INPP4B: variants seen among roughly 807,000 people sequenced by gnomAD.
INPP4B encodes the protein inositol polyphosphate-4-phosphatase type II B, also known as inositol polyphosphate 4-phosphatase type II.
In INPP4B, 55 loss-of-function variants were observed where a neutral mutation model predicts 122.5. The ratio of observed to expected loss-of-function variants is 0.45; its 90% CI spans 0.36 to 0.56. INPP4B has a LOEUF of 0.56. INPP4B is among the 20% of genes least tolerant of loss of function. The pLI, the probability that INPP4B is intolerant of heterozygous loss-of-function variation, is 0.00. For missense variants in INPP4B, 1,000 were observed against 1,097.7 expected (o/e 0.91, Z 1.26); for synonymous variants, 403 against 388.7 (o/e 1.04, Z -0.43).
At chr4:142,801,394 T>C (rs1207883943) in intron 1 of INPP4B, among the ~76,000 whole-genome samples, 1 of 152,106 alleles carries the variant, frequency 6.6e-6, no homozygotes, top group African/African-American at 2.4e-5. Context: ...CAAGCCCCAA[T>C]CCAATCTGAC....
chr4:142,657,744 T>G (rs901935676), intron 2 of INPP4B, among the ~76,000 whole-genome samples: 3 of 152,208 alleles, frequency 2.0e-5, no homozygotes, highest in African/African-American at 7.2e-5. Context: ...TTATAAAATG[T>G]TTTTGCTGCT....
intron 12 of INPP4B, among the ~76,000 whole-genome samples, chr4:142,232,667 C>T (rs1240677204): frequency 2.0e-5 from 3 of 151,944 alleles, no homozygotes; most frequent in East Asian, 1.9e-4. Flanking sequence ...AAATCAAAAG[C>T]TAGAAATGAT....
chr4:142,576,045 T>C lies in INPP4B; in HGVS notation c.-190-113319A>G, dbSNP rs7692446. Among the ~76,000 whole-genome samples, 1,195 of 152,186 alleles carry C rather than the reference T, an allele frequency of 7.9e-3. 24 individuals are homozygous for C. Among genetic ancestry groups the C allele is most frequent in the African/African-American group, 0.027 (1,129 of 41,558 alleles). On this transcript the variant is annotated intron_variant, in intron 2 of 25. Coordinates refer to ENST00000262992, the MANE Select transcript of INPP4B (RefSeq NM_001101669.3). ...AAATGTGTTTTAACTAGCCTAGATA[T>C]CGTTATTGATTTCCCAATAGCCTAC...
At chr4:142,342,906 C>T (rs1277043988) in intron 7 of INPP4B, among the ~76,000 whole-genome samples, 2 of 151,948 alleles carry the variant, frequency 1.3e-5, no homozygotes, top group African/African-American at 2.4e-5. Context: ...TATGTGGATG[C>T]GTTTAAAACT....
chr4:142,464,613 GAAAAA>G (rs549262670), intron 2 of INPP4B, among the ~76,000 whole-genome samples: 1 of 143,460 alleles, frequency 7.0e-6, no homozygotes, highest in African/African-American at 2.5e-5. Context: ...TAACTGTTAA[GAAAAA>G]AAAAAAATGT....
At chr4:142,664,795 T>G (rs1446175327) in intron 2 of INPP4B, among the ~76,000 whole-genome samples, 2 of 152,204 alleles carry the variant, frequency 1.3e-5, no homozygotes, top group African/African-American at 4.8e-5. Flanking sequence ...AAATTTTGCT[T>G]TTTTCAACCA....
At chr4:142,252,924 G>A (rs1733119265) in intron 11 of INPP4B, among the ~76,000 whole-genome samples, 1 of 152,106 alleles carries the variant, frequency 6.6e-6, no homozygotes, top group South Asian at 2.1e-4. Flanking sequence ...ATTTCGTCAT[G>A]GTGCAAACAT....
intron 16 of INPP4B, 43 bp downstream of exon 16, chr4:142,173,589 G>T: frequency 6.5e-7 from 1 of 1,534,100 alleles, no homozygotes; most frequent in South Asian, 1.1e-5. Flanking sequence ...ATGGGAATTT[G>T]AGTATTTCAT....
At chr4:142,041,748 T>C (rs541391567) in intron 25 of INPP4B, among the ~76,000 whole-genome samples, 55 of 152,288 alleles carry the variant, frequency 3.6e-4, no homozygotes, top group Non-Finnish European at 6.5e-4. Flanking sequence ...AATATTGAAA[T>C]GCCTCAGGAT....
chr4:142,033,395 G>A (rs1351070612), intron 25 of INPP4B, among the ~76,000 whole-genome samples: 1 of 152,158 alleles, frequency 6.6e-6, no homozygotes, highest in Non-Finnish European at 1.5e-5. Context: ...AGGCAGGGTT[G>A]GAAGGAGTTG....
At chr4:142,176,350 G>A (rs1363056395) in intron 15 of INPP4B, among the ~76,000 whole-genome samples, 2 of 151,466 alleles carry the variant, frequency 1.3e-5, no homozygotes, top group Non-Finnish European at 2.9e-5. Context: ...TTTCTTCACA[G>A]AATTGGAAAA....
chr4:142,176,274 C>CTA (rs1473400925), intron 15 of INPP4B, among the ~76,000 whole-genome samples: 2 of 151,650 alleles, frequency 1.3e-5, no homozygotes, highest in East Asian at 3.9e-4. Context: ...TCTCCTAATG[C>CTA]TATCCCTCCC....
chr4:142,438,103 T>G (rs915694983), intron 3 of INPP4B, among the ~76,000 whole-genome samples: 6 of 152,214 alleles, frequency 3.9e-5, no homozygotes, highest in Non-Finnish European at 7.3e-5. Context: ...GAAGAATCAA[T>G]ATTGTGAAAA....
chr4:142,528,203 T>C (rs562187564), intron 2 of INPP4B, among the ~76,000 whole-genome samples: 2 of 152,176 alleles, frequency 1.3e-5, no homozygotes, highest in Admixed American at 1.3e-4. Context: ...TGTAACAAAT[T>C]ACCCCAACAC....
chr4:142,452,316 G>A (rs561872004), intron 3 of INPP4B, among the ~76,000 whole-genome samples: 2 of 152,144 alleles, frequency 1.3e-5, no homozygotes, highest in South Asian at 2.1e-4. Flanking sequence ...ACAGTGACCC[G>A]ATGTCCTGAA....
chr4:142,542,392 G>T (rs913812596), intron 2 of INPP4B, among the ~76,000 whole-genome samples: 1 of 152,128 alleles, frequency 6.6e-6, no homozygotes, highest in East Asian at 1.9e-4. Context: ...ATTCTTCCCT[G>T]TTATAGGAAA....
Position 142,193,784 on chromosome 4 carries a change from T to A in INPP4B, c.1073-589A>T, listed in dbSNP as rs1202028107. On this transcript the variant is annotated intron_variant, in intron 14 of 25. Transcript: ENST00000262992. ...AGAATACACAAAATGTTTCTTGTTC[T>A]GTTTTCTAGTAAGACACTTTGTTTT... is the stretch of plus-strand genomic sequence containing the variant. 2.0e-5 allele frequency among the ~76,000 whole-genome samples: 3 copies of A among 151,756 alleles called. No homozygotes were observed. In the East Asian group the frequency reaches 5.8e-4, roughly 29 times the overall value.
At chr4:142,073,065 G>A (rs1433520430) in intron 25 of INPP4B, among the ~76,000 whole-genome samples, 1 of 151,998 alleles carries the variant, frequency 6.6e-6, no homozygotes, top group African/African-American at 2.4e-5. Flanking sequence ...GGTATTCAGA[G>A]CAGTGATTAC....
At chr4:142,620,670 AT>A (rs1434021860) in intron 2 of INPP4B, among the ~76,000 whole-genome samples, 2 of 152,208 alleles carry the variant, frequency 1.3e-5, no homozygotes, top group East Asian at 3.9e-4. Flanking sequence ...AGTTAAAAAA[AT>A]AAAGATATGA....
Sources: allele counts gnomAD v4.1 joint callset (sites outside exome capture counted in the v4.1 genomes callset), GRCh38; gene constraint gnomAD v4.1.1; transcripts MANE v1.5; gene names NCBI Gene and HGNC (gene_info 2026-07-23, HGNC 2026-07-21).